TMEM132C: variants seen among roughly 807,000 people sequenced by gnomAD.
TMEM132C encodes the protein transmembrane protein 132C, also known as protein phosphatase 1, regulatory subunit 152.
Under a neutral mutation model 61.4 loss-of-function variants are expected in TMEM132C, and 29 were observed. The ratio of observed to expected loss-of-function variants is 0.47; its 90% CI spans 0.35 to 0.64. TMEM132C has a LOEUF of 0.64. Among genes scored for constraint, TMEM132C ranks in the 30% least tolerant of loss-of-function variants. The pLI is 0.00. For synonymous variants in TMEM132C, 656 were observed against 633.1 expected (o/e 1.04, Z -0.54); for missense variants, 1,408 against 1,476.9 (o/e 0.95, Z 0.76).
chr12:128,275,776 C>T (rs1209610594), intron 1 of TMEM132C, among the ~76,000 whole-genome samples: 1 of 152,126 alleles, frequency 6.6e-6, no homozygotes, highest in Non-Finnish European at 1.5e-5. Flanking sequence ...TTATGAATTT[C>T]CAAGGGCAGT....
chr12:128,452,015 T>C (rs1173328720), intron 2 of TMEM132C, among the ~76,000 whole-genome samples: 2 of 152,072 alleles, frequency 1.3e-5, no homozygotes, highest in Non-Finnish European at 2.9e-5. Context: ...CAGAAACAAT[T>C]TGAAAAAGAG....
At chr12:128,515,970 C>T (rs374847308) in intron 2 of TMEM132C, among the ~76,000 whole-genome samples, 1 of 152,158 alleles carries the variant, frequency 6.6e-6, no homozygotes, top group Non-Finnish European at 1.5e-5. Context: ...ACAGGCACGT[C>T]GGGCCCATGT....
chr12:128,384,504 A>G (rs1874515933), intron 1 of TMEM132C, among the ~76,000 whole-genome samples: 1 of 152,190 alleles, frequency 6.6e-6, no homozygotes, highest in African/African-American at 2.4e-5. Context: ...GTCTGGCAGC[A>G]AAGTTTCCAG....
chr12:128,608,296 C>A (rs949925165), intron 3 of TMEM132C, among the ~76,000 whole-genome samples: 1 of 152,182 alleles, frequency 6.6e-6, no homozygotes, highest in Admixed American at 6.5e-5. Flanking sequence ...AAAACCGATT[C>A]TTCTAGAGGT....
chr12:128,390,356 T>C (rs965451695), intron 1 of TMEM132C, among the ~76,000 whole-genome samples: 2 of 152,206 alleles, frequency 1.3e-5, no homozygotes, highest in Non-Finnish European at 2.9e-5. Flanking sequence ...GTTTCCCTGC[T>C]TTTTCCAGCT....
intron 5 of TMEM132C, among the ~76,000 whole-genome samples, chr12:128,690,488 A>G (rs1954711683): frequency 6.6e-6 from 1 of 152,142 alleles, no homozygotes; most frequent in African/African-American, 2.4e-5. Flanking sequence ...TACCCTTGGC[A>G]TTGCTCTTAA....
intron 5 of TMEM132C, among the ~76,000 whole-genome samples, chr12:128,680,880 T>G (rs1222614973): frequency 6.6e-6 from 1 of 152,210 alleles, no homozygotes; most frequent in Non-Finnish European, 1.5e-5. Flanking sequence ...TGAGTGCACT[T>G]AAATGGAAAG....
intron 1 of TMEM132C, among the ~76,000 whole-genome samples, chr12:128,334,888 G>T (rs1593014944): frequency 6.6e-6 from 1 of 152,164 alleles, no homozygotes; most frequent in East Asian, 1.9e-4. Context: ...GAGCCACCAT[G>T]CCCAGCCCTT....
At chr12:128,448,804 G>T (rs542799248) in intron 2 of TMEM132C, among the ~76,000 whole-genome samples, 2 of 152,186 alleles carry the variant, frequency 1.3e-5, no homozygotes, top group South Asian at 4.1e-4. Flanking sequence ...TAACCAATTC[G>T]TATTAACTTT....
chr12:128,457,759 G>A (rs1593060538), intron 2 of TMEM132C, among the ~76,000 whole-genome samples: 1 of 152,076 alleles, frequency 6.6e-6, no homozygotes, highest in Non-Finnish European at 1.5e-5. Context: ...AGAGAAATGG[G>A]CCAAGTTTAA....
At position 128,326,277 on chromosome 12, in the gene TMEM132C, C is replaced by G. The variant is rs1479896022; in HGVS notation, c.85+58790C>G. Among the ~76,000 whole-genome samples the G allele has an allele frequency of 6.6e-6, 1 of 152,108 alleles. No individual in the cohort carries two copies. Among genetic ancestry groups the G allele is most frequent in the African/African-American group, 2.4e-5 (1 of 41,404 alleles). On this transcript the variant is annotated intron_variant, in intron 1 of 8. Coordinates refer to ENST00000435159, the MANE Select transcript of TMEM132C (RefSeq NM_001136103.3). The surrounding 1 kb of genome is among the most constrained non-coding windows in gnomAD (Gnocchi z 5.6). ...CTCCCCACCACCATCACTCCATGAA[C>G]CCCCCAGCCTCCCTGGGCTCTTCTC...
intron 3 of TMEM132C, among the ~76,000 whole-genome samples, chr12:128,606,733 T>C (rs1378535338): frequency 6.6e-6 from 1 of 152,168 alleles, no homozygotes; most frequent in Non-Finnish European, 1.5e-5. Flanking sequence ...TTGTGGACTC[T>C]GCCACAGATG....
At chr12:128,426,661 A>G (rs1342713081) in intron 2 of TMEM132C, among the ~76,000 whole-genome samples, 1 of 152,166 alleles carries the variant, frequency 6.6e-6, no homozygotes, top group Non-Finnish European at 1.5e-5. Context: ...CTGCTTGGGA[A>G]GAAGTAAAGA....
rs66789949 is a variant in TMEM132C at position 128,433,797 on chromosome 12, G to C, written c.974+18177G>C. Among the ~76,000 whole-genome samples the C allele has an allele frequency of 1.8e-4, 28 of 151,764 alleles. 1 individual carries two copies. In the South Asian group the frequency reaches 5.8e-3, roughly 31 times the overall value. On this transcript the variant is annotated intron_variant, in intron 2 of 8. Transcript: ENST00000435159. ...CAAGCAAGATCTCAGAGTCCTCCTG[G>C]CTAGCATGGAAGGACAGTAGTGGGA...
chr12:128,510,559 C>T (rs900073361), intron 2 of TMEM132C, among the ~76,000 whole-genome samples: 2 of 152,308 alleles, frequency 1.3e-5, no homozygotes, highest in East Asian at 1.9e-4. Context: ...GGTAGCCTGC[C>T]GTCTAGAAGA....
At chr12:128,419,926 C>T (rs1868929235) in intron 2 of TMEM132C, among the ~76,000 whole-genome samples, 1 of 152,104 alleles carries the variant, frequency 6.6e-6, no homozygotes. Context: ...GGTATGGTAG[C>T]TCACACCTGT....
At chr12:128,618,972 T>C (rs1876902044) in intron 4 of TMEM132C, among the ~76,000 whole-genome samples, 1 of 152,236 alleles carries the variant, frequency 6.6e-6, no homozygotes, top group South Asian at 2.1e-4. Context: ...TCTATTCTCC[T>C]ATTTTCTGTA....
At chr12:128,267,572 A>C (rs1870351126) in intron 1 of TMEM132C, 85 bp downstream of exon 1, 1 of 1,045,682 alleles carries the variant, frequency 9.6e-7, no homozygotes, top group African/African-American at 1.7e-5. Context: ...AGCCGAAGCG[A>C]GGGGTGCGGC....
chr12:128,515,404 C>T (rs1023411711), intron 2 of TMEM132C, among the ~76,000 whole-genome samples: 2 of 152,238 alleles, frequency 1.3e-5, no homozygotes, highest in Non-Finnish European at 2.9e-5. Flanking sequence ...TGGCCAAATA[C>T]AAGAACTGGA....
Sources: allele counts gnomAD v4.1 joint callset (sites outside exome capture counted in the v4.1 genomes callset), GRCh38; gene constraint gnomAD v4.1.1; non-coding constraint Gnocchi (gnomAD v3.1); transcripts MANE v1.5; gene names NCBI Gene and HGNC (gene_info 2026-07-23, HGNC 2026-07-21).